The following ANO6 variants were observed in gnomAD, a reference collection of about 807,000 sequenced individuals.
ANO6 encodes anoctamin-6.
In ANO6, 106 loss-of-function variants were observed where a neutral mutation model predicts 117.5. That is an observed-to-expected ratio of 0.90 (90% confidence interval 0.77 to 1.06). ANO6 has a LOEUF of 1.06. Ranked by LOEUF, ANO6 falls within the 50% of genes least tolerant of loss-of-function variation. The pLI is 0.00. For synonymous variants in ANO6, 367 were observed against 385.1 expected (o/e 0.95, Z 0.55); for missense variants, 955 against 1,121.1 (o/e 0.85, Z 2.12).
chr12:45,331,431 T>C lies in ANO6; in HGVS notation c.279+8T>C. The C allele has an allele frequency of 1.3e-6, 2 of 1,596,408 alleles. No homozygotes were observed. The highest frequency in any genetic ancestry group is 1.7e-6 in the Non-Finnish European group (2 of 1,170,020). ...ACAAATGAAAAACAAAGGGTAAGTT[T>C]TTATGCTATTTTCCTTTCTTTTTAT... is the stretch of plus-strand genomic sequence containing the variant. On this transcript the variant is annotated splice_region_variant and intron_variant, in intron 3 of 19. Transcript: ENST00000320560.
chr12:45,395,109 AG>A (rs1299676837), intron 12 of ANO6, among the ~76,000 whole-genome samples: 1 of 152,238 alleles, frequency 6.6e-6, no homozygotes, highest in Non-Finnish European at 1.5e-5. Flanking sequence ...CTAATAAAGA[AG>A]AAAAGAGAGA....
chr12:45,229,097 G>T (rs1029680775), intron 1 of ANO6, among the ~76,000 whole-genome samples: 1 of 152,118 alleles, frequency 6.6e-6, no homozygotes, highest in Non-Finnish European at 1.5e-5. Context: ...CTCAGGGTCC[G>T]GGATGAGAAG....
chr12:45,406,704 C>T (rs1394125058), intron 15 of ANO6, among the ~76,000 whole-genome samples: 2 of 152,092 alleles, frequency 1.3e-5, no homozygotes, highest in East Asian at 3.9e-4. Flanking sequence ...CCCTCACTAT[C>T]CACACTTACT....
intron 9 of ANO6, among the ~76,000 whole-genome samples, chr12:45,373,641 T>C (rs1223456400): frequency 3.3e-5 from 5 of 152,062 alleles, no homozygotes; most frequent in Admixed American, 6.5e-5. Context: ...AAGGCAGAAA[T>C]AAAGATGTTC....
chr12:45,428,131 T>C (rs1304852705), intron 19 of ANO6, among the ~76,000 whole-genome samples: 2 of 152,170 alleles, frequency 1.3e-5, no homozygotes, highest in Admixed American at 6.5e-5. Context: ...AACTTGCAGA[T>C]AATGCTCTAG....
At chr12:45,355,963 G>A (rs969498976) in intron 7 of ANO6, among the ~76,000 whole-genome samples, 7 of 152,148 alleles carry the variant, frequency 4.6e-5, no homozygotes, top group South Asian at 2.1e-4. Context: ...TCTCCTTATC[G>A]TACAGATCAA....
intron 2 of ANO6, among the ~76,000 whole-genome samples, chr12:45,307,613 G>T (rs1055947078): frequency 6.6e-6 from 1 of 152,114 alleles, no homozygotes; most frequent in East Asian, 1.9e-4. Flanking sequence ...CCCAACCCCC[G>T]ATGTGAGAGT....
intron 1 of ANO6, among the ~76,000 whole-genome samples, chr12:45,234,657 C>T (rs768167208): frequency 2.0e-5 from 3 of 152,188 alleles, no homozygotes. Context: ...CACTCTTAGT[C>T]ATCTTCCCTG....
intron 14 of ANO6, 44 bp from the exon 15 acceptor site, chr12:45,403,395 G>A (rs1942847346): frequency 1.3e-6 from 2 of 1,551,164 alleles, no homozygotes; most frequent in Non-Finnish European, 8.9e-7. Flanking sequence ...TTTCAAGTTA[G>A]ATCCATTGAA....
chr12:45,234,778 C>T (rs1947622691), intron 1 of ANO6, among the ~76,000 whole-genome samples: 1 of 150,160 alleles, frequency 6.7e-6, no homozygotes, highest in East Asian at 2.0e-4. Flanking sequence ...ACATTCCAGT[C>T]TCTGGAACCA....
At chr12:45,435,033 T>TA (rs538166302), downstream of ANO6, among the ~76,000 whole-genome samples, 11 of 152,320 alleles carry the variant, frequency 7.2e-5, no homozygotes, top group South Asian at 2.3e-3. Context: ...TCCCAGACAA[T>TA]ATTCTTCCAC....
At chr12:45,348,962 C>G (rs892349464) in intron 6 of ANO6, among the ~76,000 whole-genome samples, 1 of 152,116 alleles carries the variant, frequency 6.6e-6, no homozygotes, top group South Asian at 2.1e-4. Context: ...GCTGGATGAC[C>G]TTGTGAAAGT....
intron 15 of ANO6, among the ~76,000 whole-genome samples, chr12:45,406,185 C>G (rs2137645558): frequency 6.6e-6 from 1 of 152,338 alleles, no homozygotes; most frequent in East Asian, 1.9e-4. Flanking sequence ...CTCCCCAGTA[C>G]CTGGCATATG....
chr12:45,283,596 G>A (rs73281425), intron 1 of ANO6, among the ~76,000 whole-genome samples: 2,393 of 152,302 alleles, frequency 0.016, 53 homozygotes, highest in African/African-American at 0.053. Flanking sequence ...CCATGTAATA[G>A]CATCTATTTT....
intron 7 of ANO6, 117 bp from the exon 8 acceptor site, chr12:45,357,173 A>G (rs1248549353): frequency 8.5e-6 from 10 of 1,181,512 alleles, no homozygotes; most frequent in Non-Finnish European, 1.2e-5. Context: ...TTAAGGGTGA[A>G]TTGAGTCAGA....
chr12:45,303,474 C>T (rs1160512910), intron 2 of ANO6, among the ~76,000 whole-genome samples: 1 of 152,172 alleles, frequency 6.6e-6, no homozygotes, highest in Non-Finnish European at 1.5e-5. Flanking sequence ...AGCAACATAT[C>T]TAATCTAAAA....
intron 1 of ANO6, among the ~76,000 whole-genome samples, chr12:45,277,542 A>G (rs969571476): frequency 4.6e-5 from 7 of 152,078 alleles, no homozygotes; most frequent in Non-Finnish European, 2.9e-5. Flanking sequence ...CCCTACATTT[A>G]TGTCTTATTT....
intron 3 of ANO6, among the ~76,000 whole-genome samples, chr12:45,343,247 C>A (rs1273639743): frequency 6.6e-6 from 1 of 152,096 alleles, no homozygotes; most frequent in Non-Finnish European, 1.5e-5. Context: ...ATTGTTAAAA[C>A]ACTCATCAAG....
intron 8 of ANO6, among the ~76,000 whole-genome samples, chr12:45,363,746 C>T (rs1455883299): frequency 6.6e-6 from 1 of 152,060 alleles, no homozygotes; most frequent in East Asian, 1.9e-4. Flanking sequence ...ATATTGTTCT[C>T]ATGGTAGTGA....
Sources: gnomAD v4.1 joint callset for allele counts (sites outside exome capture counted in the v4.1 genomes callset) on GRCh38, gnomAD v4.1.1 for gene constraint, MANE v1.5 for transcripts, NCBI Gene and HGNC (gene_info 2026-07-23, HGNC 2026-07-21) for gene names.